FBXO27: variants seen among roughly 807,000 people sequenced by gnomAD.
The protein encoded by FBXO27 is F-box only protein 27.
FBXO27 carries 28 observed loss-of-function variants against 28.3 expected under a neutral mutation model. The ratio of observed to expected loss-of-function variants is 0.99; its 90% CI spans 0.73 to 1.36. The LOEUF (loss-of-function observed/expected upper bound fraction) is 1.36, where lower values mean the gene tolerates loss of function less well. Ranked by LOEUF, FBXO27 falls within the 40% of genes most tolerant of loss-of-function variation. FBXO27 has a pLI of 0.00. For synonymous variants in FBXO27, 175 were observed against 167.3 expected, an observed-to-expected ratio of 1.05 and a Z score of -0.36; for missense variants, 388 against 394.1, an observed-to-expected ratio of 0.98 and a Z score of 0.13.
chr19:39,015,359 GGT>G (rs1211094976), intron 1 of FBXO27, among the ~76,000 whole-genome samples: 1 of 144,576 alleles, frequency 6.9e-6, no homozygotes, highest in Non-Finnish European at 1.5e-5. Context: ...GGCTGAGTGT[GGT>G]GGCTCATGCC....
intron 1 of FBXO27, among the ~76,000 whole-genome samples, chr19:39,015,796 C>T (rs542316282): frequency 1.4e-5 from 2 of 146,332 alleles, no homozygotes; most frequent in Middle Eastern, 4.1e-3. Flanking sequence ...GTCGGCCAGG[C>T]GAGGTGGCTC....
intron 2 of FBXO27, among the ~76,000 whole-genome samples, chr19:39,012,517 A>C (rs1291060644): frequency 6.6e-6 from 1 of 152,210 alleles, no homozygotes; most frequent in African/African-American, 2.4e-5. Flanking sequence ...TGTTTCATCC[A>C]GAAGGGTTGG....
chr19:39,027,873 TATC>T (rs1360790886), intron 4 of FBXO27, among the ~76,000 whole-genome samples: 1 of 152,110 alleles, frequency 6.6e-6, no homozygotes, highest in African/African-American at 2.4e-5. Flanking sequence ...TGTTGTGACA[TATC>T]ATGTCAGAAG....
At chr19:39,012,678 C>T (rs946766003) in intron 2 of FBXO27, among the ~76,000 whole-genome samples, 10 of 151,630 alleles carry the variant, frequency 6.6e-5, no homozygotes, top group Admixed American at 3.3e-4. Context: ...AGAAAAGAAG[C>T]GGGGCACGAT....
intron 5 of FBXO27, among the ~76,000 whole-genome samples, chr19:39,026,495 G>C (rs1600227560): frequency 6.6e-6 from 1 of 151,700 alleles, no homozygotes; most frequent in Admixed American, 6.6e-5. Context: ...TTTTTTTTTA[G>C]ACAGAGTCTC....
rs755950658 is a variant in FBXO27, at chr19:39,026,984, G to A, written c.594C>T (p.Ser198=). The A allele has an allele frequency of 1.2e-5, 20 of 1,614,032 alleles. No individual in the cohort carries two copies. Among genetic ancestry groups the A allele is most frequent in the Admixed American group, 1.2e-4 (7 of 59,982 alleles). ...VSDWWGARHD[S]GCMYRLLVQL... ...GGACGAGGAGTCTGTACATACAGCC[G>A]CTGTCGTGTCGGGCTCCCCACCTGT... Residue 198 remains serine (S), a synonymous_variant, in exon 5 of 6, where the codon AGC becomes AGT. Transcript: ENST00000292853.
At chr19:39,008,713 G>A (rs985216505) in intron 2 of FBXO27, among the ~76,000 whole-genome samples, 2 of 152,106 alleles carry the variant, frequency 1.3e-5, no homozygotes, top group Admixed American at 6.6e-5. Context: ...CAGATTTTCC[G>A]ATTCTGGGCA....
chr19:39,025,129 C>G lies in FBXO27; in HGVS notation c.*282G>C. The G allele has an allele frequency of 2.8e-6, 1 of 356,324 alleles. No homozygotes were observed. Among genetic ancestry groups the G allele is most frequent in the East Asian group, 4.6e-5 (1 of 21,636 alleles). 22.1% of individuals were successfully genotyped at this position (356,324 alleles called of 1,614,324 possible). On this transcript the variant is annotated 3_prime_UTR_variant, in exon 6 of 6. Transcript: ENST00000292853. ...GAGAGGGGAGGGCAAGAATTCTTCT[C>G]CAGGATGGGCATTCCCCCATGCTCA...
chr19:39,023,255 A>G (rs1019472474), downstream of FBXO27, among the ~76,000 whole-genome samples: 4 of 152,138 alleles, frequency 2.6e-5, no homozygotes, highest in African/African-American at 4.8e-5. Flanking sequence ...TTTCCAATCT[A>G]CAGTTGGTTG....
At chr19:39,012,650 T>A (rs1291441561) in intron 2 of FBXO27, among the ~76,000 whole-genome samples, 1 of 152,062 alleles carries the variant, frequency 6.6e-6, no homozygotes, top group African/African-American at 2.4e-5. Flanking sequence ...TTTTTGTTTG[T>A]TACCAGCTTA....
intron 2 of FBXO27, among the ~76,000 whole-genome samples, chr19:39,006,281 G>A (rs1322793764): frequency 2.6e-5 from 4 of 152,084 alleles, no homozygotes; most frequent in African/African-American, 9.7e-5. Context: ...AAATTGGCCA[G>A]GCAAGGTGGC....
chr19:39,018,449 GAT>G (rs2072829554), intron 1 of FBXO27, among the ~76,000 whole-genome samples: 5 of 152,070 alleles, frequency 3.3e-5, no homozygotes, highest in Non-Finnish European at 7.4e-5. Flanking sequence ...AGTAAACAGT[GAT>G]ATCTTCCGGT....
At chr19:39,009,169 T>C (rs955273776) in intron 2 of FBXO27, among the ~76,000 whole-genome samples, 3 of 152,230 alleles carry the variant, frequency 2.0e-5, no homozygotes, top group Admixed American at 6.5e-5. Flanking sequence ...GATGGACCAC[T>C]TTTGGTTTAT....
At position 39,031,849 on chromosome 19, in the gene FBXO27, C is replaced by T; in HGVS notation, c.364+15G>A. The T allele has an allele frequency of 6.8e-7, 1 of 1,467,676 alleles. No homozygotes were observed. The highest frequency in any genetic ancestry group is 8.9e-7 in the Non-Finnish European group (1 of 1,122,466). 90.9% of individuals were successfully genotyped at this position (1,467,676 alleles called of 1,614,324 possible). On this transcript the variant is annotated intron_variant, in intron 2 of 5. Coordinates refer to ENST00000292853, the MANE Select transcript of FBXO27 (RefSeq NM_178820.5). ...TGTGGCCCAGCATCCTGGACTTCCT[C>T]TTCCGAGATCCCACCTTGGCCGCAG...
At position 39,025,103 on chromosome 19, in the gene FBXO27, A is replaced by G; in HGVS notation, c.*308T>C. On this transcript the variant is annotated 3_prime_UTR_variant, in exon 6 of 6. Coordinates refer to ENST00000292853, the MANE Select transcript of FBXO27 (RefSeq NM_178820.5). ...TCGGAGGGTTTTGGTTGGGAGGAGA[A>G]GAGAGGGGAGGGCAAGAATTCTTCT... 1 of 305,984 alleles carries G rather than the reference A, an allele frequency of 3.3e-6. No individual in the cohort carries two copies. The highest frequency in any genetic ancestry group is 6.1e-6 in the Non-Finnish European group (1 of 164,052). 19.0% of individuals were successfully genotyped at this position (305,984 alleles called of 1,614,324 possible).
rs1473954888 is a variant in FBXO27 at position 39,007,074 on chromosome 19, AAAAAT to A, written c.252+7308_252+7312del. Among the ~76,000 whole-genome samples the A allele has an allele frequency of 1.3e-3, 200 of 150,082 alleles. 2 individuals carry two copies. The highest frequency in any genetic ancestry group is 2.5e-3 in the Non-Finnish European group (166 of 67,598). On this transcript the variant is annotated intron_variant, in intron 2 of 2. Coordinates refer to the FBXO27 transcript ENST00000598394. ...GGTGTCTCCAAAAAAAAAAAAAAAA[AAAAAT>A]ACAGAAAAGTACAATCCCAGAGGGC...
intron 1 of FBXO27, among the ~76,000 whole-genome samples, chr19:39,016,758 C>A (rs1600224172): frequency 6.6e-6 from 1 of 151,394 alleles, no homozygotes; most frequent in African/African-American, 2.4e-5. Flanking sequence ...GTACTCTAGC[C>A]TGGGCAACAG....
In FBXO27 at chr19:39,032,169, G is replaced by A. The variant is rs1467266408; in HGVS notation, c.59C>T (p.Pro20Leu). Reference protein sequence around the residue: ...AARVPAPEPEPEEALDLSQLP... With the variant: ...AARVPAPEPELEEALDLSQLP... ...TTGGCTCAGGTCCAGCGCCTCTTCG[G>A]GTTCCGGCTCCGGCGCGGGGACCCG... Residue 20 changes from proline to leucine, a missense_variant, in exon 2 of 6, where the codon CCC (proline) becomes CTC (leucine). Pro to Leu is a moderately conservative substitution (Grantham distance 98, BLOSUM62 -3). Transcript: ENST00000292853. The surrounding 1 kb of genome is among the most constrained non-coding windows in gnomAD (Gnocchi z 4.7). 3 of 1,523,114 alleles carry A rather than the reference G, an allele frequency of 2.0e-6. No homozygotes were observed. Among genetic ancestry groups the A allele is most frequent in the Non-Finnish European group, 2.6e-6 (3 of 1,140,422 alleles). The allele number at this position is 1,523,114 out of a possible 1,614,324, so 94.3% of individuals were successfully genotyped here.
At chr19:39,012,263 C>G (rs1375688861) in intron 2 of FBXO27, among the ~76,000 whole-genome samples, 1 of 151,106 alleles carries the variant, frequency 6.6e-6, no homozygotes, top group African/African-American at 2.4e-5. Context: ...TTGCTTACCG[C>G]AACCTCAGCC....
Sources: gnomAD v4.1 joint callset for allele counts (sites outside exome capture counted in the v4.1 genomes callset) on GRCh38, gnomAD v4.1.1 for gene constraint, Gnocchi (gnomAD v3.1) non-coding constraint, MANE v1.5 for transcripts, NCBI Gene and HGNC (gene_info 2026-07-23, HGNC 2026-07-21) for gene names.